The following SYT14 variants were observed in gnomAD, a reference collection of about 807,000 sequenced individuals.
SYT14 encodes synaptotagmin-14.
Under a neutral mutation model 74.2 loss-of-function variants are expected in SYT14, and 32 were observed. The ratio of observed to expected loss-of-function variants is 0.43; its 90% confidence interval spans 0.33 to 0.58. The LOEUF is 0.58. Ranked by LOEUF, SYT14 falls within the 20% of genes least tolerant of loss-of-function variation. The pLI, the probability that SYT14 is intolerant of heterozygous loss-of-function variation, is 0.05. For synonymous variants in SYT14, 298 were observed against 337.7 expected, an observed-to-expected ratio of 0.88 and a Z score of 1.29; for missense variants, 791 against 981.8, an observed-to-expected ratio of 0.81 and a Z score of 2.60.
At position 210,099,993 on chromosome 1, in the gene SYT14, T is replaced by A; in HGVS notation, c.1585-19T>A. The A allele has an allele frequency of 6.2e-7, 1 of 1,609,878 alleles. No homozygotes were observed. The highest frequency in any genetic ancestry group is 8.5e-7 in the Non-Finnish European group (1 of 1,177,202). ...ATAATTGAGTTAAAAACTCTAACAT[T>A]TAAATTTTCTTTTCTTAGGATATGT... On this transcript the variant is annotated intron_variant, in intron 6 of 9. Coordinates refer to ENST00000637265, the Ensembl canonical transcript of SYT14.
At chr1:210,125,659 T>C (rs566570265) in intron 7 of SYT14, among the ~76,000 whole-genome samples, 7 of 152,332 alleles carry the variant, frequency 4.6e-5, no homozygotes, top group African/African-American at 1.7e-4. Context: ...AAGCACCTAA[T>C]TTTCTGAATT....
At chr1:210,015,237 G>A (rs2102927909) in intron 3 of SYT14, among the ~76,000 whole-genome samples, 1 of 152,208 alleles carries the variant, frequency 6.6e-6, no homozygotes, top group East Asian at 1.9e-4. Flanking sequence ...CTGTCATGTA[G>A]CCTCTGGATA....
chr1:210,156,340 C>T lies in SYT14; in HGVS notation c.2224+430C>T, dbSNP rs930573503. ...TATATTTTCCTTCTTTCTCCCTTAA[C>T]GATTTAAGAAGAAACTATTACTTCA... On this transcript the variant is annotated intron_variant, in intron 8 of 9. Transcript: ENST00000637265. Among the ~76,000 whole-genome samples the T allele has an allele frequency of 5.9e-5, 9 of 152,108 alleles. No individual in the cohort carries two copies. The South Asian group carries it at 1.0e-3, about 18-fold the overall frequency.
At chr1:209,957,246 T>G (rs1409261878) in intron 2 of SYT14, among the ~76,000 whole-genome samples, 1 of 152,190 alleles carries the variant, frequency 6.6e-6, no homozygotes, top group East Asian at 1.9e-4. Flanking sequence ...TCTCTCTCTC[T>G]CGTAGCTTTT....
At chr1:209,949,915 C>T (rs1284388769) in intron 1 of SYT14, among the ~76,000 whole-genome samples, 1 of 152,112 alleles carries the variant, frequency 6.6e-6, no homozygotes, top group African/African-American at 2.4e-5. Flanking sequence ...ATTCGAGTAA[C>T]TTAAAAAATT....
chr1:210,018,015 T>A (rs1350597030), intron 4 of SYT14, among the ~76,000 whole-genome samples: 1 of 152,244 alleles, frequency 6.6e-6, no homozygotes, highest in Non-Finnish European at 1.5e-5. Context: ...CTGCTATTTA[T>A]CTATTATATG....
intron 7 of SYT14, among the ~76,000 whole-genome samples, chr1:210,148,163 A>G (rs566854215): frequency 8.5e-5 from 13 of 152,266 alleles, no homozygotes; most frequent in Middle Eastern, 3.4e-3. Context: ...TTACGCACAA[A>G]CACAAATGAA....
chr1:209,997,999 A>G (rs1293133575), intron 2 of SYT14, among the ~76,000 whole-genome samples: 1 of 152,126 alleles, frequency 6.6e-6, no homozygotes, highest in African/African-American at 2.4e-5. Flanking sequence ...GTAATTTTTT[A>G]AAACCATATG....
chr1:209,956,810 G>A (rs1159909729), intron 2 of SYT14, among the ~76,000 whole-genome samples: 1 of 152,138 alleles, frequency 6.6e-6, no homozygotes, highest in Non-Finnish European at 1.5e-5. Flanking sequence ...GAAAATTTAA[G>A]GCTAGGTAGA....
Position 210,036,568 on chromosome 1 carries a change from C to T in SYT14, c.1312+15314C>T, listed in dbSNP as rs535861020. Among the ~76,000 whole-genome samples, 8 of 151,864 alleles carry T rather than the reference C, an allele frequency of 5.3e-5. No individual in the cohort carries two copies. The East Asian group carries it at 7.7e-4, about 15-fold the overall frequency. On this transcript the variant is annotated intron_variant, in intron 5 of 9. Coordinates refer to ENST00000637265, the Ensembl canonical transcript of SYT14. The stretch of plus-strand genomic sequence containing the variant: ...TTCAGTACGATGCTGGCTGTGAGTT[C>T]GTTGCATATGGCTTTTATTATTTTG...
rs755137232 is a variant in SYT14 at position 210,077,248 on chromosome 1, G to T, written c.1313-17074G>T. ...AGCAGGAGCAAGAGAGAGTCGGTGG[G>T]GGGGAGATGCCACACACTTAAAACA... On this transcript the variant is annotated intron_variant, in intron 5 of 9. Transcript: ENST00000637265. 5.3e-4 allele frequency among the ~76,000 whole-genome samples: 80 copies of T among 152,090 alleles called. 1 individual carries two copies. The highest frequency in any genetic ancestry group is 9.9e-4 in the Non-Finnish European group (67 of 67,952).
intron 5 of SYT14, among the ~76,000 whole-genome samples, chr1:210,086,248 A>G (rs1452790507): frequency 1.3e-5 from 2 of 152,180 alleles, no homozygotes; most frequent in Non-Finnish European, 2.9e-5. Context: ...GCTGGTATCT[A>G]CCAGGTTTCT....
chr1:210,009,743 G>T (rs990218945), intron 2 of SYT14, among the ~76,000 whole-genome samples: 2 of 152,066 alleles, frequency 1.3e-5, no homozygotes, highest in Non-Finnish European at 2.9e-5. Flanking sequence ...GAAATATTCT[G>T]TTGGCATTTC....
At chr1:209,983,496 C>T (rs1457681600) in intron 2 of SYT14, among the ~76,000 whole-genome samples, 2 of 152,096 alleles carry the variant, frequency 1.3e-5, no homozygotes, top group African/African-American at 4.8e-5. Flanking sequence ...CATTGAACAT[C>T]TCCAGTAAAC....
At chr1:210,070,910 AT>A (rs200981834) in intron 5 of SYT14, among the ~76,000 whole-genome samples, 2,778 of 116,052 alleles carry the variant, frequency 0.024, 61 homozygotes, top group East Asian at 0.21. Flanking sequence ...GTTGGGTATA[AT>A]TTTTTTTTTT....
At chr1:210,162,189 T>C (rs1220895747) in exon 10 of SYT14, 1 of 434,474 alleles carries the variant, frequency 2.3e-6, no homozygotes, top group Non-Finnish European at 4.7e-6. Context: ...GTAACTAGAC[T>C]TTATGAAATT....
In SYT14 at chr1:210,100,166, A is replaced by G. The variant is rs1480090227; in HGVS notation, c.1739A>G (p.Tyr580Cys). The change falls in exon 7 of 10, where the codon TAT (tyrosine) becomes TGT (cysteine). Residue 580 changes from tyrosine to cysteine, a missense_variant. Coordinates refer to ENST00000637265, the Ensembl canonical transcript of SYT14. The stretch of plus-strand genomic sequence containing the variant: ...ACAGCTGTCACAGACATCCCAACAT[A>G]TAACAGGACAGGTGGCAACTCATGG... 3 of 1,614,092 alleles carry G rather than the reference A, an allele frequency of 1.9e-6. 1 individual carries two copies. Among genetic ancestry groups the G allele is most frequent in the East Asian group, 2.2e-5 (1 of 44,870 alleles).
intron 5 of SYT14, among the ~76,000 whole-genome samples, chr1:210,031,428 A>C (rs184292256): frequency 7.9e-5 from 12 of 152,212 alleles, no homozygotes; most frequent in Admixed American, 5.9e-4. Context: ...TGCTGGCCTC[A>C]TAGGATGAGT....
At chr1:210,000,125 G>A (rs227186) in intron 2 of SYT14, among the ~76,000 whole-genome samples, 82,600 of 151,896 alleles carry the variant, frequency 0.54, 23,731 homozygotes, top group African/African-American at 0.73. Flanking sequence ...TTGCTGTGGT[G>A]TATAAAGTAT....
Sources: gnomAD v4.1 joint callset for allele counts (sites outside exome capture counted in the v4.1 genomes callset) on GRCh38, gnomAD v4.1.1 for gene constraint, MANE v1.5 for transcripts, NCBI Gene and HGNC (gene_info 2026-07-23, HGNC 2026-07-21) for gene names.